Variants in FAM117A observed in about 807,000 individuals in gnomAD.
FAM117A encodes protein FAM117A.
A neutral mutation model predicts 44.1 loss-of-function variants in FAM117A; 21 were observed. The ratio of observed to expected loss-of-function variants is 0.48; its 90% CI spans 0.34 to 0.69. FAM117A has a LOEUF of 0.69. Ranked by LOEUF, FAM117A falls within the 30% of genes least tolerant of loss-of-function variation. The pLI, the probability that FAM117A is intolerant of heterozygous loss-of-function variation, is 0.01. For synonymous variants in FAM117A, 220 were observed against 238.3 expected (o/e 0.92, Z 0.71); for missense variants, 498 against 589.9 (o/e 0.84, Z 1.61).
chr17:49,732,806 C>A (rs1017555202), intron 1 of FAM117A, 86 bp from the exon 2 acceptor site: 15 of 1,405,374 alleles, frequency 1.1e-5, no homozygotes, highest in Non-Finnish European at 1.5e-5. Context: ...AGAGATGTGG[C>A]CTGCCTGCCC....
chr17:49,788,669 C>T (rs907924083), upstream of FAM117A: 2 of 664,630 alleles, frequency 3.0e-6, no homozygotes, highest in Non-Finnish European at 4.8e-6. Context: ...CGCTTCAGCC[C>T]GCGGCGCCTG....
At chr17:49,754,314 T>C (rs1820350438) in intron 1 of FAM117A, among the ~76,000 whole-genome samples, 1 of 151,786 alleles carries the variant, frequency 6.6e-6, no homozygotes, top group Non-Finnish European at 1.5e-5. Context: ...AACTCTTTTT[T>C]TTTTTTTCGA....
chr17:49,767,879 G>C (rs574811233), upstream of FAM117A, among the ~76,000 whole-genome samples: 20 of 152,100 alleles, frequency 1.3e-4, no homozygotes, highest in African/African-American at 4.6e-4. Context: ...CTCCAGACTG[G>C]GCGACAGAGC....
intron 1 of FAM117A, among the ~76,000 whole-genome samples, chr17:49,784,461 A>AGTGGTG (rs1598040707): frequency 6.6e-6 from 1 of 152,112 alleles, no homozygotes; most frequent in East Asian, 1.9e-4. Flanking sequence ...ATTGCCTACC[A>AGTGGTG]CTTCCAGTTC....
At chr17:49,788,957 C>A (rs1032077042), upstream of FAM117A, 10 of 1,073,076 alleles carry the variant, frequency 9.3e-6, no homozygotes, top group Non-Finnish European at 9.1e-6. Context: ...TTCCGCTCCC[C>A]CGAACCTTGT....
At chr17:49,785,167 G>A (rs1405352714) in intron 1 of FAM117A, among the ~76,000 whole-genome samples, 1 of 152,180 alleles carries the variant, frequency 6.6e-6, no homozygotes, top group Non-Finnish European at 1.5e-5. Context: ...CTTGTGAGGT[G>A]GCTATTAATG....
intron 1 of FAM117A, among the ~76,000 whole-genome samples, chr17:49,746,068 C>G (rs1447559917): frequency 6.6e-6 from 1 of 152,104 alleles, no homozygotes; most frequent in East Asian, 1.9e-4. Context: ...TATGAAGTGA[C>G]AAATGTCATG....
intron 2 of FAM117A, among the ~76,000 whole-genome samples, chr17:49,727,500 C>T (rs2073565237): frequency 6.6e-6 from 1 of 152,170 alleles, no homozygotes; most frequent in African/African-American, 2.4e-5. Flanking sequence ...AGCTGAGGGA[C>T]AAGTAGGGTA....
At chr17:49,773,717 T>C (rs975996760) in intron 1 of FAM117A, among the ~76,000 whole-genome samples, 1 of 152,072 alleles carries the variant, frequency 6.6e-6, no homozygotes, top group Non-Finnish European at 1.5e-5. Flanking sequence ...AGGTGTTCAG[T>C]TTGTAGCCCA....
chr17:49,732,736 G>C lies in FAM117A; in HGVS notation c.197-16C>G. The stretch of plus-strand genomic sequence containing the variant: ...GGGACGCTGGCTGCAAGAGAACACA[G>C]CCCGCACGCCTTGCCATCAGCATGG... On this transcript the variant is annotated splice_polypyrimidine_tract_variant and intron_variant, in intron 1 of 7. Coordinates refer to ENST00000240364, the MANE Select transcript of FAM117A (RefSeq NM_030802.4). 6.2e-7 allele frequency: 1 copy of C among 1,609,408 alleles called. No individual in the cohort carries two copies. The highest frequency in any genetic ancestry group is 8.5e-7 in the Non-Finnish European group (1 of 1,177,718).
At chr17:49,782,358 CAG>C (rs945841706) in intron 1 of FAM117A, among the ~76,000 whole-genome samples, 1 of 112,472 alleles carries the variant, frequency 8.9e-6, no homozygotes, top group Non-Finnish European at 1.6e-5. Flanking sequence ...GCCTGGGTGA[CAG>C]AGAGAGACTC....
At position 49,732,538 on chromosome 17, in the gene FAM117A, A is replaced by G. The variant is rs745646169; in HGVS notation, c.366+13T>C. ...TCCTTATCCCTTATCCCATCAGGAG[A>G]GAGCTTCATTACCTGGGTGGCCTTG... On this transcript the variant is annotated intron_variant, in intron 2 of 7. Transcript: ENST00000240364. 2.5e-6 allele frequency: 4 copies of G among 1,613,914 alleles called. No individual in the cohort carries two copies. The South Asian group carries it at 4.4e-5, about 18-fold the overall frequency.
Position 49,732,564 on chromosome 17 carries a change from TCATTGGTGCAG to T in FAM117A, c.342_352del (p.Cys114Ter). 6.2e-7 allele frequency: 1 copy of T among 1,614,106 alleles called. No homozygotes were observed. Among genetic ancestry groups the T allele is most frequent in the Non-Finnish European group, 8.5e-7 (1 of 1,180,004 alleles). ...GAGCTTCATTACCTGGGTGGCCTTG[TCATTGGTGCAG>T]CAGGTGAAGGCCCCATCAGCATCTC... is the stretch of plus-strand genomic sequence containing the variant. On this transcript the variant is annotated stop_gained and frameshift_variant, in exon 2 of 8. Transcript: ENST00000240364. LOFTEE classifies it high-confidence loss of function.
chr17:49,732,579 G>C lies in FAM117A; in HGVS notation c.338C>G (p.Thr113Ser). The change falls in exon 2 of 8, where the codon ACC becomes AGC. Residue 113 changes from threonine (T) to serine (S), a missense_variant. Around this residue, in one of 3 missense-constraint regions of FAM117A, gnomAD observed 270 missense variants for 277.4 expected, o/e 0.97. Transcript: ENST00000240364. ...QWPRDADGAF[T>S]CCTNDKATQT... The stretch of plus-strand genomic sequence containing the variant: ...GGTGGCCTTGTCATTGGTGCAGCAG[G>C]TGAAGGCCCCATCAGCATCTCGTGG... 6.2e-7 allele frequency: 1 copy of C among 1,614,156 alleles called. No individual in the cohort carries two copies. Among genetic ancestry groups the C allele is most frequent in the South Asian group, 1.1e-5 (1 of 91,084 alleles).
chr17:49,772,679 G>A (rs1023108222), intron 1 of FAM117A, among the ~76,000 whole-genome samples: 1 of 151,754 alleles, frequency 6.6e-6, no homozygotes, highest in African/African-American at 2.4e-5. Context: ...CTGAACCTGG[G>A]AGGGAGAGGC....
upstream of FAM117A, chr17:49,765,550 T>C (rs1344907696): frequency 6.6e-6 from 1 of 152,226 alleles, no homozygotes; most frequent in East Asian, 1.9e-4. Flanking sequence ...CTACATACAC[T>C]GAATGAATTG....
intron 1 of FAM117A, among the ~76,000 whole-genome samples, chr17:49,787,272 T>C (rs1164625721): frequency 1.3e-5 from 2 of 152,226 alleles, no homozygotes; most frequent in South Asian, 2.1e-4. Flanking sequence ...GGTGAGGGGC[T>C]ACATGAAATT....
chr17:49,763,145 C>T (rs932386760), intron 1 of FAM117A, among the ~76,000 whole-genome samples: 5 of 151,776 alleles, frequency 3.3e-5, no homozygotes, highest in Non-Finnish European at 5.9e-5. Flanking sequence ...CACACACACA[C>T]ACACACACAC....
intron 1 of FAM117A, among the ~76,000 whole-genome samples, chr17:49,763,181 G>A (rs939721718): frequency 6.6e-6 from 1 of 151,050 alleles, no homozygotes; most frequent in Non-Finnish European, 1.5e-5. Context: ...CACAAACGAT[G>A]GTTGGAATGA....
Sources: gnomAD v4.1 joint callset for allele counts (sites outside exome capture counted in the v4.1 genomes callset) on GRCh38, gnomAD v4.1.1 for gene constraint, gnomAD v4.1.1 regional missense constraint, MANE v1.5 for transcripts, NCBI Gene and HGNC (gene_info 2026-07-23, HGNC 2026-07-21) for gene names.